ADGRG7: variants seen among roughly 807,000 people sequenced by gnomAD.
ADGRG7 encodes adhesion G protein-coupled receptor G7.
A neutral mutation model predicts 88.6 loss-of-function variants in ADGRG7; 82 were observed. The observed-to-expected ratio is 0.93, with a 90% CI of 0.77 to 1.11. The LOEUF (loss-of-function observed/expected upper bound fraction) is 1.11. ADGRG7 is among the 50% of genes most tolerant of loss of function. The pLI, the probability that ADGRG7 is intolerant of heterozygous loss-of-function variation, is 0.00. For missense variants in ADGRG7, 945 were observed against 953.4 expected, an observed-to-expected ratio of 0.99 and a Z score of 0.12; for synonymous variants, 381 against 345.2, an observed-to-expected ratio of 1.10 and a Z score of -1.15.
intron 14 of ADGRG7, among the ~76,000 whole-genome samples, chr3:100,667,915 G>C (rs2094953855): frequency 6.6e-6 from 1 of 152,224 alleles, no homozygotes; most frequent in East Asian, 1.9e-4. Flanking sequence ...CCAGGGCGCT[G>C]GTGAGGCAGG....
intron 15 of ADGRG7, among the ~76,000 whole-genome samples, chr3:100,691,004 G>T (rs1310412668): frequency 6.6e-6 from 1 of 152,234 alleles, no homozygotes; most frequent in African/African-American, 2.4e-5. Context: ...AGCTGTGGTG[G>T]GCTCCACCTA....
chr3:100,643,937 T>G (rs1160095596), intron 8 of ADGRG7, among the ~76,000 whole-genome samples: 5 of 152,246 alleles, frequency 3.3e-5, no homozygotes, highest in Non-Finnish European at 7.3e-5. Flanking sequence ...TGTTTTACAC[T>G]TACAAATTTA....
chr3:100,655,356 C>G (rs1403528489), intron 12 of ADGRG7, among the ~76,000 whole-genome samples, 175 bp downstream of exon 12: 1 of 152,004 alleles, frequency 6.6e-6, no homozygotes, highest in African/African-American at 2.4e-5. Flanking sequence ...GTGAAGGAGG[C>G]AGATGCGATC....
chr3:100,613,538 T>A (rs1482743446), intron 1 of ADGRG7, among the ~76,000 whole-genome samples: 1 of 147,334 alleles, frequency 6.8e-6, no homozygotes, highest in African/African-American at 2.5e-5. Context: ...CCCCCTAAAT[T>A]AAAAAAAAAA....
chr3:100,620,365 A>C (rs962746293), intron 1 of ADGRG7, among the ~76,000 whole-genome samples: 2 of 152,246 alleles, frequency 1.3e-5, no homozygotes, highest in South Asian at 2.1e-4. Flanking sequence ...ACAGCCCTTC[A>C]TGCTAAAAAC....
chr3:100,635,866 T>G (rs753061118), intron 5 of ADGRG7, 40 bp downstream of exon 5: 1 of 1,453,874 alleles, frequency 6.9e-7, no homozygotes, highest in East Asian at 2.4e-5. Flanking sequence ...TTTTTTTTAT[T>G]TTTAGAGGGG....
intron 3 of ADGRG7, among the ~76,000 whole-genome samples, chr3:100,632,942 A>G (rs937199592): frequency 5.3e-5 from 8 of 152,182 alleles, no homozygotes; most frequent in African/African-American, 1.9e-4. Flanking sequence ...ATCAACATAT[A>G]ATTCAGTATC....
intron 14 of ADGRG7, 114 bp downstream of exon 14, chr3:100,659,957 A>G (rs2094943062): frequency 1.0e-6 from 1 of 1,001,504 alleles, no homozygotes; most frequent in Non-Finnish European, 1.5e-6. Flanking sequence ...TGGCAGGGCT[A>G]CGTGGTTTAC....
intron 15 of ADGRG7, among the ~76,000 whole-genome samples, chr3:100,681,856 A>T (rs1025117026): frequency 2.0e-5 from 3 of 152,152 alleles, no homozygotes; most frequent in African/African-American, 4.8e-5. Context: ...AAACATCACC[A>T]CTGAACTACC....
chr3:100,615,286 C>A (rs2149010870), intron 1 of ADGRG7, among the ~76,000 whole-genome samples: 1 of 152,304 alleles, frequency 6.6e-6, no homozygotes, highest in African/African-American at 2.4e-5. Context: ...TATGAACAAG[C>A]CACTTAATCT....
intron 11 of ADGRG7, 22 bp from the exon 12 acceptor site, chr3:100,654,813 A>G: frequency 7.2e-7 from 1 of 1,393,564 alleles, no homozygotes. Context: ...TAATTTTTTT[A>G]TATTAATTTA....
intron 15 of ADGRG7, among the ~76,000 whole-genome samples, chr3:100,686,063 C>T (rs1485258628): frequency 6.6e-6 from 1 of 151,262 alleles, no homozygotes; most frequent in Admixed American, 6.6e-5. Flanking sequence ...TAATGATCGC[C>T]ATTGTAACTG....
chr3:100,617,906 T>A (rs1227398356), intron 1 of ADGRG7, among the ~76,000 whole-genome samples: 2 of 152,132 alleles, frequency 1.3e-5, no homozygotes, highest in Non-Finnish European at 2.9e-5. Context: ...TGATCGCCAT[T>A]GTAACTGGTG....
rs142876082 is a variant in ADGRG7, at chr3:100,691,537, T to A, written c.2137-3207T>A. 5.0e-3 allele frequency among the ~76,000 whole-genome samples: 755 copies of A among 152,142 alleles called. 3 individuals are homozygous for A. Among genetic ancestry groups the A allele is most frequent in the African/African-American group, 0.017 (724 of 41,512 alleles). ...TCCCCATTCTTATGTCATCCCTTTT[T>A]AAACATAAATTATTTTGAAACAATT... On this transcript the variant is annotated intron_variant, in intron 15 of 15. Coordinates refer to ENST00000273352, the MANE Select transcript of ADGRG7 (RefSeq NM_032787.3).
chr3:100,673,038 C>G (rs1458451196), intron 15 of ADGRG7, among the ~76,000 whole-genome samples: 1 of 152,000 alleles, frequency 6.6e-6, no homozygotes, highest in Non-Finnish European at 1.5e-5. Flanking sequence ...GTGTGTGTCT[C>G]TGCTAGGTTT....
chr3:100,621,092 ATG>A, intron 1 of ADGRG7, among the ~76,000 whole-genome samples: 1 of 152,278 alleles, frequency 6.6e-6, no homozygotes. Flanking sequence ...TAATCAATAA[ATG>A]TTGTATGTGT....
intron 1 of ADGRG7, among the ~76,000 whole-genome samples, chr3:100,610,931 G>C (rs920988449): frequency 1.3e-5 from 2 of 152,202 alleles, no homozygotes; most frequent in African/African-American, 4.8e-5. Context: ...AAGACCAACA[G>C]AGGGATCTGA....
At chr3:100,622,285 T>C (rs1041702897) in intron 1 of ADGRG7, among the ~76,000 whole-genome samples, 2 of 107,396 alleles carry the variant, frequency 1.9e-5, no homozygotes, top group African/African-American at 6.4e-5. Flanking sequence ...TTTTTTTTTT[T>C]GCTTATGGTT....
intron 15 of ADGRG7, among the ~76,000 whole-genome samples, chr3:100,671,178 G>A (rs901099880): frequency 2.0e-5 from 3 of 152,182 alleles, no homozygotes; most frequent in Admixed American, 6.5e-5. Context: ...CAGTGTAAAA[G>A]TGTTCCTGTT....
Sources: allele counts gnomAD v4.1 joint callset (sites outside exome capture counted in the v4.1 genomes callset), GRCh38; gene constraint gnomAD v4.1.1; transcripts MANE v1.5; gene names NCBI Gene and HGNC (gene_info 2026-07-23, HGNC 2026-07-21).